Variants in NAALADL2 observed in about 807,000 individuals in gnomAD.
NAALADL2 encodes inactive N-acetylated-alpha-linked acidic dipeptidase-like protein 2.
Under a neutral mutation model 87.2 loss-of-function variants are expected in NAALADL2, and 76 were observed. The observed-to-expected ratio is 0.87, with a 90% CI of 0.72 to 1.05. The LOEUF is 1.05. Ranked by LOEUF, NAALADL2 falls within the 50% of genes least tolerant of loss-of-function variation. The pLI is 0.00. For missense variants in NAALADL2, 1,089 were observed against 945.8 expected (o/e 1.15, Z -1.99); for synonymous variants, 354 against 331.0 (o/e 1.07, Z -0.75).
chr3:175,018,678 AT>A (rs2108851399), intron 1 of NAALADL2, among the ~76,000 whole-genome samples: 1 of 152,198 alleles, frequency 6.6e-6, no homozygotes, highest in Non-Finnish European at 1.5e-5. Flanking sequence ...TTTAAATGGC[AT>A]TCAACGTATT....
chr3:174,711,877 G>A (rs947998049), intron 2 of NAALADL2, among the ~76,000 whole-genome samples: 1 of 152,206 alleles, frequency 6.6e-6, no homozygotes, highest in Non-Finnish European at 1.5e-5. Context: ...TCAGCTCACT[G>A]TAACCTCTGC....
At chr3:175,580,726 A>G (rs1719642984) in intron 10 of NAALADL2, among the ~76,000 whole-genome samples, 1 of 152,174 alleles carries the variant, frequency 6.6e-6, no homozygotes, top group African/African-American at 2.4e-5. Context: ...TGTTCTCTCT[A>G]GATCATTATC....
chr3:175,056,967 TGGCCAGTTTTGG>T (rs1315432454), intron 1 of NAALADL2, among the ~76,000 whole-genome samples: 2 of 152,234 alleles, frequency 1.3e-5, no homozygotes, highest in Non-Finnish European at 2.9e-5. Flanking sequence ...ATTTTGTTTA[TGGCCAGTTTTGG>T]GGCCAGTTTA....
intron 2 of NAALADL2, among the ~76,000 whole-genome samples, chr3:175,121,264 A>G (rs1726115396): frequency 6.6e-6 from 1 of 151,832 alleles, no homozygotes; most frequent in Non-Finnish European, 1.5e-5. Flanking sequence ...CATACTTGCC[A>G]CCTGACTTGT....
At chr3:174,489,710 G>C (rs776863409) in intron 1 of NAALADL2, among the ~76,000 whole-genome samples, 1 of 152,068 alleles carries the variant, frequency 6.6e-6, no homozygotes, top group Non-Finnish European at 1.5e-5. Context: ...TGGCTAATAA[G>C]CACATGAAAA....
intron 9 of NAALADL2, among the ~76,000 whole-genome samples, chr3:175,479,276 A>G (rs1197960737): frequency 1.3e-5 from 2 of 151,874 alleles, no homozygotes; most frequent in African/African-American, 4.8e-5. Flanking sequence ...ATGTAATAAT[A>G]ATGTTAAATA....
At chr3:174,561,706 G>C (rs1354676383) in intron 2 of NAALADL2, among the ~76,000 whole-genome samples, 2 of 152,172 alleles carry the variant, frequency 1.3e-5, no homozygotes, top group East Asian at 3.9e-4. Context: ...AGCCTGACTA[G>C]AGATGCCAAG....
chr3:174,770,881 T>A (rs768402019), intron 3 of NAALADL2, among the ~76,000 whole-genome samples: 12 of 152,208 alleles, frequency 7.9e-5, no homozygotes, highest in Non-Finnish European at 1.5e-4. Flanking sequence ...AAATACGTAT[T>A]TTTTATTTCA....
intron 9 of NAALADL2, among the ~76,000 whole-genome samples, chr3:175,475,213 G>A (rs1725519591): frequency 6.6e-6 from 1 of 151,894 alleles, no homozygotes; most frequent in Admixed American, 6.6e-5. Flanking sequence ...GGGGATAAAA[G>A]CCCTTTTTTG....
chr3:174,943,465 C>T (rs1016422244), intron 1 of NAALADL2, among the ~76,000 whole-genome samples: 5 of 152,160 alleles, frequency 3.3e-5, no homozygotes, highest in African/African-American at 1.2e-4. Flanking sequence ...GAGTTCCTCT[C>T]CCTCTTGAAT....
At chr3:174,973,851 C>A (rs937003738) in intron 1 of NAALADL2, among the ~76,000 whole-genome samples, 2 of 152,066 alleles carry the variant, frequency 1.3e-5, no homozygotes, top group Admixed American at 1.3e-4. Context: ...ATGGGACCGC[C>A]ATCAAATATG....
chr3:174,488,287 C>T (rs1291919085), intron 1 of NAALADL2, among the ~76,000 whole-genome samples: 1 of 151,992 alleles, frequency 6.6e-6, no homozygotes, highest in Non-Finnish European at 1.5e-5. Context: ...AATCCAGATT[C>T]AGCTGTTTTA....
At chr3:175,507,105 G>GA (rs759081720) in intron 9 of NAALADL2, among the ~76,000 whole-genome samples, 2,942 of 139,002 alleles carry the variant, frequency 0.021, 38 homozygotes, top group Non-Finnish European at 0.027. Flanking sequence ...CTACCCTTAG[G>GA]AAAAAAAAAA....
intron 7 of NAALADL2, among the ~76,000 whole-genome samples, chr3:175,466,454 T>C (rs1296380948): frequency 6.6e-6 from 1 of 152,162 alleles, no homozygotes; most frequent in East Asian, 1.9e-4. Flanking sequence ...ACTTTTGATA[T>C]TGGTGAATTT....
chr3:174,696,569 A>T (rs1729028298), intron 2 of NAALADL2, among the ~76,000 whole-genome samples: 1 of 140,740 alleles, frequency 7.1e-6, no homozygotes, highest in Non-Finnish European at 1.5e-5. Context: ...GAAAAAAATT[A>T]GGGGTCAGGC....
intron 9 of NAALADL2, among the ~76,000 whole-genome samples, chr3:175,539,340 C>CTTT (rs1711874316): frequency 6.6e-6 from 1 of 152,094 alleles, no homozygotes; most frequent in African/African-American, 2.4e-5. Context: ...TAAATAGAAT[C>CTTT]TGTTTATACC....
intron 1 of NAALADL2, among the ~76,000 whole-genome samples, chr3:174,472,765 AG>A (rs768565413): frequency 1.3e-5 from 2 of 152,154 alleles, no homozygotes; most frequent in Non-Finnish European, 2.9e-5. Context: ...TGGCTGTAAT[AG>A]TCTCAGTCCA....
In NAALADL2 at chr3:175,540,144, T is replaced by C. The variant is rs79288275; in HGVS notation, c.1654-35897T>C. Among the ~76,000 whole-genome samples the C allele has an allele frequency of 2.6e-4, 39 of 152,250 alleles. No individual in the cohort carries two copies. In the East Asian group the frequency reaches 6.6e-3, roughly 26 times the overall value. On this transcript the variant is annotated intron_variant, in intron 9 of 13. Transcript: ENST00000454872. ...GATTTCAGATGAAACAAACAGATGATGTAATGTCAGTTGATAATAAGTGCT... is the reference window on the plus strand; with the variant it reads ...GATTTCAGATGAAACAAACAGATGACGTAATGTCAGTTGATAATAAGTGCT...
rs1412016762 is a variant in NAALADL2, at chr3:175,576,131, A to G, written c.1744A>G (p.Asn582Asp). Residue 582 changes from asparagine to aspartate, a missense_variant, in exon 10 of 14, where the codon AAC (asparagine) becomes GAC (aspartate). Transcript: ENST00000454872. ...ACAAGGTGATGCTGATTATTTCATC[A>G]ACCATCTTGGAGTTCCCATCGTGCA... Reference protein sequence around the residue: ...QIQGDADYFINHLGVPIVQFA... With the variant: ...QIQGDADYFIDHLGVPIVQFA... The G allele has an allele frequency of 1.2e-6, 2 of 1,613,818 alleles. No individual in the cohort carries two copies. The highest frequency in any genetic ancestry group is 1.7e-6 in the Non-Finnish European group (2 of 1,179,728).
Sources: gnomAD v4.1 joint callset for allele counts (sites outside exome capture counted in the v4.1 genomes callset) on GRCh38, gnomAD v4.1.1 for gene constraint, MANE v1.5 for transcripts, NCBI Gene and HGNC (gene_info 2026-07-23, HGNC 2026-07-21) for gene names.